AFDN: variants seen among roughly 807,000 people sequenced by gnomAD.
AFDN encodes afadin, adherens junction formation factor, also known as afadin.
Under a neutral mutation model 216.6 loss-of-function variants are expected in AFDN, and 68 were observed. That is an observed-to-expected ratio of 0.31 (90% CI 0.26 to 0.38). The LOEUF is 0.38. Among genes scored for constraint, AFDN ranks in the 10% least tolerant of loss-of-function variants. The pLI, the probability that AFDN is intolerant of heterozygous loss-of-function variation, is 1.00. For synonymous variants in AFDN, 868 were observed against 853.7 expected, an observed-to-expected ratio of 1.02 and a Z score of -0.29; for missense variants, 2,136 against 2,342.0, an observed-to-expected ratio of 0.91 and a Z score of 1.82.
At chr6:167,844,181 T>TGTGA (rs1781381874) in intron 1 of AFDN, among the ~76,000 whole-genome samples, 1 of 49,340 alleles carries the variant, frequency 2.0e-5, no homozygotes, top group African/African-American at 6.4e-5. Context: ...AAATGAAGTG[T>TGTGA]GTGTGTGTGT....
intron 11 of AFDN, 100 bp downstream of exon 11, chr6:167,898,567 T>A: frequency 7.8e-7 from 1 of 1,286,138 alleles, no homozygotes; most frequent in South Asian, 1.7e-5. Flanking sequence ...TTTCAATTTT[T>A]AAAAAAATAT....
intron 23 of AFDN, among the ~76,000 whole-genome samples, chr6:167,935,157 G>A (rs190092825): frequency 6.6e-6 from 1 of 151,624 alleles, no homozygotes; most frequent in Admixed American, 6.6e-5. Flanking sequence ...CCTCTCCCTC[G>A]TTAGTCCCAT....
intron 22 of AFDN, among the ~76,000 whole-genome samples, chr6:167,923,362 T>C (rs1792066244): frequency 2.0e-5 from 3 of 152,220 alleles, no homozygotes; most frequent in Admixed American, 2.0e-4. Context: ...ATTTTATATC[T>C]TTTTGAAAGA....
intron 20 of AFDN, among the ~76,000 whole-genome samples, chr6:167,918,108 T>C (rs1791332892): frequency 6.6e-6 from 1 of 152,216 alleles, no homozygotes; most frequent in Non-Finnish European, 1.5e-5. Context: ...TTCTCTTTTC[T>C]TGAACAGAAG....
At chr6:167,969,221 A>C (rs756525068) in intron 33 of AFDN, 23 bp downstream of exon 33, 47 of 1,583,092 alleles carry the variant, frequency 3.0e-5, no homozygotes, top group Non-Finnish European at 3.9e-5. Flanking sequence ...GCACTAGACG[A>C]GGAACTTCAT....
At position 167,943,141 on chromosome 6, in the gene AFDN, G is replaced by T; in HGVS notation, c.3112G>T (p.Asp1038Tyr). The T allele has an allele frequency of 6.2e-7, 1 of 1,613,960 alleles. No homozygotes were observed. Among genetic ancestry groups the T allele is most frequent in the South Asian group, 1.1e-5 (1 of 91,042 alleles). The change falls in exon 24 of 34, where the codon GAT (aspartate) becomes TAT (tyrosine). Residue 1038 changes from aspartate to tyrosine, a missense_variant. This residue lies in a region of AFDN where 74 missense variants were observed against 98.8 expected (regional missense o/e 0.75). Coordinates refer to ENST00000683244, the MANE Select transcript of AFDN (RefSeq NM_001386888.1). ...SIVAAKGAGQ[D>Y]KLGIYVKSVV... ...GTTTTTGCAATAGGGTGCTGGTCAA[G>T]ATAAACTAGGAATCTATGTGAAGTC...
At chr6:167,866,324 AAG>A (rs1784181579) in intron 2 of AFDN, among the ~76,000 whole-genome samples, 3 of 152,296 alleles carry the variant, frequency 2.0e-5, no homozygotes, top group Admixed American at 2.0e-4. Context: ...TTTGGGCTTA[AAG>A]TGCTGGTTTT....
In AFDN at chr6:167,914,414, G is replaced by T. The variant is rs1026474377; in HGVS notation, c.2204+101G>T. 4.3e-6 allele frequency: 6 copies of T among 1,409,598 alleles called. No homozygotes were observed. In the African/African-American group the frequency reaches 8.7e-5, roughly 20 times the overall value. 87.3% of individuals were successfully genotyped at this position (1,409,598 alleles called of 1,614,324 possible). A position where few individuals can be genotyped will look rare whatever the true frequency, so the allele number is the denominator to read the frequency against. ...TAATTTTAAGATTTATATTTACCTT[G>T]ATTGAAGGTGAATATAAAGAAGCAT... On this transcript the variant is annotated intron_variant, in intron 17 of 33. Coordinates refer to ENST00000683244, the MANE Select transcript of AFDN (RefSeq NM_001386888.1).
chr6:167,949,633 G>A (rs890265784), intron 29 of AFDN, among the ~76,000 whole-genome samples: 5 of 152,190 alleles, frequency 3.3e-5, no homozygotes, highest in African/African-American at 9.7e-5. Context: ...GGGAGAAGGT[G>A]TCTTTCTCCA....
intron 26 of AFDN, among the ~76,000 whole-genome samples, chr6:167,944,464 G>T (rs1183790967): frequency 2.0e-5 from 3 of 150,540 alleles, no homozygotes; most frequent in Admixed American, 2.0e-4. Context: ...AGTGTTTAAA[G>T]AATAAATTCA....
intron 1 of AFDN, chr6:167,864,341 A>C: frequency 1.3e-6 from 1 of 748,856 alleles, no homozygotes; most frequent in Non-Finnish European, 2.4e-6. Flanking sequence ...CATACGTGAC[A>C]CAGGTGAGGC....
intron 30 of AFDN, among the ~76,000 whole-genome samples, chr6:167,959,717 A>G (rs536614393): frequency 6.6e-6 from 1 of 152,330 alleles, no homozygotes; most frequent in African/African-American, 2.4e-5. Flanking sequence ...ACACATATAT[A>G]TGTATATAAA....
intron 8 of AFDN, among the ~76,000 whole-genome samples, chr6:167,891,896 C>A (rs898229639): frequency 1.3e-5 from 2 of 152,168 alleles, no homozygotes; most frequent in Non-Finnish European, 2.9e-5. Context: ...AATCACAGAG[C>A]AAATTAGCAG....
chr6:167,871,120 GCC>G (rs1235490913), intron 3 of AFDN, among the ~76,000 whole-genome samples: 3 of 54,130 alleles, frequency 5.5e-5, no homozygotes, highest in Non-Finnish European at 1.2e-4. Flanking sequence ...CCCCCGCCCC[GCC>G]CCCCAACAGA....
At chr6:167,883,868 A>T (rs1786454786) in intron 6 of AFDN, among the ~76,000 whole-genome samples, 2 of 131,510 alleles carry the variant, frequency 1.5e-5, no homozygotes, top group Non-Finnish European at 3.3e-5. Context: ...TGCTGCATTG[A>T]TTGACTCTTC....
At chr6:167,912,014 G>A (rs562113590) in intron 15 of AFDN, 3 of 167,850 alleles carry the variant, frequency 1.8e-5, no homozygotes, top group South Asian at 1.5e-4. Flanking sequence ...TTGCTCCTGT[G>A]TAATGAGCCT....
intron 27 of AFDN, 41 bp downstream of exon 27, chr6:167,946,942 T>C: frequency 1.3e-6 from 2 of 1,552,548 alleles, no homozygotes; most frequent in Non-Finnish European, 1.7e-6. Flanking sequence ...ACACTTGTGA[T>C]CACAGTCTGA....
At chr6:167,837,470 T>A (rs1348494254) in intron 1 of AFDN, among the ~76,000 whole-genome samples, 3 of 152,080 alleles carry the variant, frequency 2.0e-5, no homozygotes, top group African/African-American at 4.8e-5. Context: ...GTTGTTTACA[T>A]CTTTAGTACT....
intron 30 of AFDN, among the ~76,000 whole-genome samples, chr6:167,958,316 A>G (rs536893854): frequency 2.0e-5 from 3 of 152,336 alleles, no homozygotes; most frequent in African/African-American, 4.8e-5. Context: ...TCTGGTTCCA[A>G]GCATTTTGGA....
Sources: gnomAD v4.1 joint callset for allele counts (sites outside exome capture counted in the v4.1 genomes callset) on GRCh38, gnomAD v4.1.1 for gene constraint, gnomAD v4.1.1 regional missense constraint, MANE v1.5 for transcripts, NCBI Gene and HGNC (gene_info 2026-07-23, HGNC 2026-07-21) for gene names.